MYO5C: variants seen among roughly 807,000 people sequenced by gnomAD.
MYO5C encodes myosin VC.
In MYO5C, 194 loss-of-function variants were observed where a neutral mutation model predicts 235.7. That is an observed-to-expected ratio of 0.82 (90% CI 0.73 to 0.93). The LOEUF is 0.93. MYO5C is among the 40% of genes least tolerant of loss of function. MYO5C has a pLI of 0.00. For missense variants in MYO5C, 2,038 were observed against 2,127.2 expected, an observed-to-expected ratio of 0.96 and a Z score of 0.82; for synonymous variants, 707 against 754.8, an observed-to-expected ratio of 0.94 and a Z score of 1.04.
At chr15:52,240,356 G>A (rs2036185312) in intron 20 of MYO5C, among the ~76,000 whole-genome samples, 1 of 151,838 alleles carries the variant, frequency 6.6e-6, no homozygotes, top group East Asian at 1.9e-4. Context: ...ATCGCTTGAG[G>A]CCAGGAGTTC....
At chr15:52,286,345 C>A (rs1353658871) in intron 1 of MYO5C, among the ~76,000 whole-genome samples, 1 of 151,128 alleles carries the variant, frequency 6.6e-6, no homozygotes, top group Non-Finnish European at 1.5e-5. Flanking sequence ...CCCGGCCAGC[C>A]GCCCCGTCCG....
chr15:52,271,548 C>A (rs551524380), intron 7 of MYO5C, among the ~76,000 whole-genome samples: 2 of 152,064 alleles, frequency 1.3e-5, no homozygotes, highest in South Asian at 4.2e-4. Context: ...TTAAAAATAA[C>A]CCTCAGTCTT....
intron 10 of MYO5C, 77 bp from the exon 11 acceptor site, chr15:52,256,797 C>T (rs2036595636): frequency 1.8e-6 from 2 of 1,116,660 alleles, no homozygotes; most frequent in Non-Finnish European, 2.7e-6. Context: ...TTTTTTGACA[C>T]TTAAAAGCTT....
chr15:52,275,738 T>C lies in MYO5C; in HGVS notation c.450-20A>G. The C allele has an allele frequency of 6.2e-7, 1 of 1,612,630 alleles. No individual in the cohort carries two copies. Among genetic ancestry groups the C allele is most frequent in the Non-Finnish European group, 8.5e-7 (1 of 1,178,644 alleles). ...TTGTTTCTAAAGCAAATAAAAGTTT[T>C]CAAATATTAGTTTCTTCCCATTAAA... is the stretch of plus-strand genomic sequence containing the variant. On this transcript the variant is annotated intron_variant, in intron 4 of 40. Transcript: ENST00000261839.
At chr15:52,247,056 T>C in intron 15 of MYO5C, 42 bp from the exon 16 acceptor site, 1 of 1,545,820 alleles carries the variant, frequency 6.5e-7, no homozygotes. Flanking sequence ...TCTGAAATAA[T>C]TTACTGCTTA....
chr15:52,290,974 G>T (rs963518663), intron 1 of MYO5C, among the ~76,000 whole-genome samples: 1 of 152,158 alleles, frequency 6.6e-6, no homozygotes, highest in Non-Finnish European at 1.5e-5. Flanking sequence ...AATCCTCATA[G>T]TGACCTCCTC....
At chr15:52,219,698 T>C in intron 31 of MYO5C, 61 bp downstream of exon 31, 1 of 1,331,952 alleles carries the variant, frequency 7.5e-7, no homozygotes. Context: ...TGGTATATTC[T>C]ACAGTTTCAG....
At chr15:52,202,503 C>T (rs1028600864) in intron 38 of MYO5C, among the ~76,000 whole-genome samples, 2 of 152,132 alleles carry the variant, frequency 1.3e-5, no homozygotes, top group Non-Finnish European at 2.9e-5. Context: ...ATGTGTCTCC[C>T]TCATGATCCT....
At position 52,232,209 on chromosome 15, in the gene MYO5C, AAAGAAAGAAAATGAAAGAAAG is replaced by A. The variant is rs1435557475; in HGVS notation, c.3026+392_3026+412del. The stretch of plus-strand genomic sequence containing the variant: ...GAGGAAGGGAGGAAGGAAGGAAGGA[AAAGAAAGAAAATGAAAGAAAG>A]AAGAAAGAAAGAAGGAAGGAGAGAA... On this transcript the variant is annotated intron_variant, in intron 24 of 40. Transcript: ENST00000261839. Among the ~76,000 whole-genome samples, 90 of 99,560 alleles carry A rather than the reference AAAGAAAGAAAATGAAAGAAAG, an allele frequency of 9.0e-4. 23 individuals are homozygous for A. The highest frequency in any genetic ancestry group is 4.9e-3 in the South Asian group (15 of 3,048). 65.3% of individuals were successfully genotyped at this position (99,560 alleles called of 152,430 possible).
intron 1 of MYO5C, among the ~76,000 whole-genome samples, chr15:52,285,623 C>T (rs1342690856): frequency 6.6e-6 from 1 of 152,256 alleles, no homozygotes; most frequent in Non-Finnish European, 1.5e-5. Context: ...GGCGCGCCGC[C>T]ACGCCTGACT....
chr15:52,248,870 T>G, intron 13 of MYO5C, 87 bp from the exon 14 acceptor site: 1 of 972,336 alleles, frequency 1.0e-6, no homozygotes. Flanking sequence ...TTAAGAAAGA[T>G]TAATAAAAAA....
intron 31 of MYO5C, among the ~76,000 whole-genome samples, chr15:52,219,349 T>C (rs956893891): frequency 6.6e-6 from 1 of 152,216 alleles, no homozygotes; most frequent in African/African-American, 2.4e-5. Flanking sequence ...TTTTAATTCT[T>C]ACCCTAAATA....
At chr15:52,295,441 G>A (rs1300325565) in intron 1 of MYO5C, among the ~76,000 whole-genome samples, 169 bp downstream of exon 1, 4 of 152,124 alleles carry the variant, frequency 2.6e-5, no homozygotes, top group African/African-American at 4.8e-5. Context: ...TCGTGTCCCC[G>A]GTCCCCGTGG....
chr15:52,283,613 A>G (rs1441239785), intron 1 of MYO5C, among the ~76,000 whole-genome samples: 1 of 152,136 alleles, frequency 6.6e-6, no homozygotes, highest in Non-Finnish European at 1.5e-5. Context: ...ACTATATCTG[A>G]GAAGGATCTT....
chr15:52,276,037 T>A (rs3751626), intron 4 of MYO5C, among the ~76,000 whole-genome samples: 30,124 of 152,016 alleles, frequency 0.2, 3,353 homozygotes, highest in African/African-American at 0.3. Flanking sequence ...GCTTTTAAAC[T>A]CTGTTCTTGA....
At chr15:52,245,546 C>CT (rs1311636358) in intron 17 of MYO5C, 81 bp from the exon 18 acceptor site, 1 of 959,890 alleles carries the variant, frequency 1.0e-6, no homozygotes. Flanking sequence ...TTACCTGCCA[C>CT]TGTTGTCATA....
In MYO5C at chr15:52,244,482, T is replaced by C. The variant is rs530627448; in HGVS notation, c.2264A>G (p.Lys755Arg). Residue 755 changes from lysine (K) to arginine (R), a missense_variant, in exon 19 of 41, where the codon AAA (lysine) becomes AGA (arginine). Coordinates refer to ENST00000261839, the MANE Select transcript of MYO5C (RefSeq NM_018728.4). Reference protein sequence around the residue: ...VAYLEKLRLDKLRQSCVMVQK... With the variant: ...VAYLEKLRLDRLRQSCVMVQK... ...TACCATAACACAACTCTGCCTCAGT[T>C]TATCCAATCGAAGTTTCTCTAAATA... The C allele has an allele frequency of 6.2e-7, 1 of 1,614,182 alleles. No homozygotes were observed. The highest frequency in any genetic ancestry group is 1.1e-5 in the South Asian group (1 of 91,076).
At chr15:52,223,835 A>G (rs2035757738) in intron 28 of MYO5C, 111 bp from the exon 29 acceptor site, 2 of 911,834 alleles carry the variant, frequency 2.2e-6, no homozygotes, top group Middle Eastern at 2.9e-4. Flanking sequence ...AAGTACATCA[A>G]GTTTACTTAT....
At chr15:52,274,021 T>C (rs2036983678) in intron 5 of MYO5C, among the ~76,000 whole-genome samples, 1 of 152,164 alleles carries the variant, frequency 6.6e-6, no homozygotes, top group Admixed American at 6.5e-5. Context: ...TTTTGCTTTT[T>C]ACTTCTGTTC....
Sources: gnomAD v4.1 joint callset for allele counts (sites outside exome capture counted in the v4.1 genomes callset) on GRCh38, gnomAD v4.1.1 for gene constraint, MANE v1.5 for transcripts, NCBI Gene and HGNC (gene_info 2026-07-23, HGNC 2026-07-21) for gene names.